Variants in CTNND2 observed in about 807,000 individuals in gnomAD.
CTNND2 encodes catenin delta-2.
A neutral mutation model predicts 144.4 loss-of-function variants in CTNND2; 22 were observed. That is an observed-to-expected ratio of 0.15 (90% CI 0.11 to 0.22). The LOEUF (loss-of-function observed/expected upper bound fraction) is 0.22, where lower values mean the gene tolerates loss of function less well. Ranked by LOEUF, CTNND2 falls within the 10% of genes least tolerant of loss-of-function variation. The pLI is 1.00. For missense variants in CTNND2, 1,353 were observed against 1,618.8 expected (o/e 0.84, Z 2.82); for synonymous variants, 751 against 695.6 (o/e 1.08, Z -1.25).
intron 10 of CTNND2, among the ~76,000 whole-genome samples, chr5:11,212,789 C>T (rs61751771): frequency 1.8e-4 from 28 of 152,254 alleles, no homozygotes; most frequent in Admixed American, 4.6e-4. Context: ...GGGCCTGGGC[C>T]TGGGCCTGCA....
At chr5:11,396,970 A>G (rs1760196426) in intron 6 of CTNND2, 61 bp downstream of exon 6, 7 of 1,499,830 alleles carry the variant, frequency 4.7e-6, no homozygotes, top group Non-Finnish European at 6.3e-6. Context: ...CATCCACTGC[A>G]TGCCCATTCC....
chr5:11,280,623 T>C (rs1284977527), intron 9 of CTNND2, among the ~76,000 whole-genome samples: 1 of 152,114 alleles, frequency 6.6e-6, no homozygotes, highest in Non-Finnish European at 1.5e-5. Flanking sequence ...TCCAATACAC[T>C]CATAGAGGGG....
In CTNND2 at chr5:11,099,271, C is replaced by T. The variant is rs573642294; in HGVS notation, c.2464-523G>A. Among the ~76,000 whole-genome samples, 9 of 152,010 alleles carry T rather than the reference C, an allele frequency of 5.9e-5. 1 individual carries two copies. The highest frequency in any genetic ancestry group is 1.2e-4 in the African/African-American group (5 of 41,466). On this transcript the variant is annotated intron_variant, in intron 14 of 21. Transcript: ENST00000304623. ...TGTTGCATCTAACAAATGACAGAATCGATAAAAGAGAGAAAACTGCTATAG... is the reference window on the plus strand; with the variant it reads ...TGTTGCATCTAACAAATGACAGAATTGATAAAAGAGAGAAAACTGCTATAG...
intron 1 of CTNND2, among the ~76,000 whole-genome samples, chr5:11,867,771 G>T (rs951228859): frequency 2.0e-5 from 3 of 151,932 alleles, no homozygotes; most frequent in Non-Finnish European, 4.4e-5. Flanking sequence ...AAGAACTTTG[G>T]CAGATCACTG....
At chr5:11,018,096 G>T in intron 17 of CTNND2, 38 bp from the exon 18 acceptor site, 1 of 1,341,524 alleles carries the variant, frequency 7.5e-7, no homozygotes, top group Non-Finnish European at 1.1e-6. Flanking sequence ...GATGTGAGTG[G>T]GACAGCTGTG....
intron 16 of CTNND2, among the ~76,000 whole-genome samples, chr5:11,029,911 C>G (rs1475781580): frequency 6.6e-6 from 1 of 152,120 alleles, no homozygotes; most frequent in Admixed American, 6.5e-5. Context: ...TTTCAACATG[C>G]AGGACTCCCT....
intron 1 of CTNND2, among the ~76,000 whole-genome samples, chr5:11,870,014 G>A (rs887398856): frequency 3.9e-5 from 6 of 152,034 alleles, no homozygotes; most frequent in African/African-American, 9.7e-5. Context: ...GAAACCACCC[G>A]GCAAATACTT....
chr5:11,463,059 T>A (rs61758944), intron 3 of CTNND2, among the ~76,000 whole-genome samples: 2 of 152,244 alleles, frequency 1.3e-5, no homozygotes, highest in Admixed American at 1.3e-4. Flanking sequence ...AAGTCCAACA[T>A]AATAGCTTTG....
intron 9 of CTNND2, among the ~76,000 whole-genome samples, chr5:11,324,639 A>C (rs1427226044): frequency 1.3e-5 from 2 of 152,208 alleles, no homozygotes; most frequent in African/African-American, 4.8e-5. Context: ...GGGGCACATC[A>C]GGTTATTGGC....
At chr5:11,285,486 G>A (rs1316296377) in intron 9 of CTNND2, among the ~76,000 whole-genome samples, 1 of 152,134 alleles carries the variant, frequency 6.6e-6, no homozygotes, top group Non-Finnish European at 1.5e-5. Flanking sequence ...AAGACTAGAG[G>A]ATAAACACAA....
At chr5:11,373,150 C>T (rs148103153) in intron 7 of CTNND2, among the ~76,000 whole-genome samples, 43 of 152,340 alleles carry the variant, frequency 2.8e-4, no homozygotes, top group African/African-American at 8.2e-4. Context: ...TACAGTTGTC[C>T]GGGCCCCACA....
intron 3 of CTNND2, among the ~76,000 whole-genome samples, chr5:11,479,449 G>C (rs904328895): frequency 1.3e-5 from 2 of 152,130 alleles, no homozygotes; most frequent in Admixed American, 6.6e-5. Flanking sequence ...GAATAGTGCT[G>C]CAATGAACAT....
chr5:11,427,847 A>T (rs1386208166), intron 3 of CTNND2, among the ~76,000 whole-genome samples: 6 of 152,070 alleles, frequency 3.9e-5, no homozygotes, highest in African/African-American at 1.4e-4. Context: ...ACAACCTTTT[A>T]TTAGCCTGTT....
chr5:11,588,636 G>T, intron 2 of CTNND2: 1 of 417,374 alleles, frequency 2.4e-6, no homozygotes, highest in Non-Finnish European at 3.2e-6. Flanking sequence ...ACTTTAACCT[G>T]CAGTTTTAAA....
At chr5:11,571,444 A>C (rs965900062) in intron 2 of CTNND2, among the ~76,000 whole-genome samples, 1 of 152,206 alleles carries the variant, frequency 6.6e-6, no homozygotes, top group East Asian at 1.9e-4. Context: ...AAGATTGAGG[A>C]GGGGTGGGTC....
At chr5:11,121,231 C>T (rs569540959) in intron 12 of CTNND2, among the ~76,000 whole-genome samples, 10 of 152,148 alleles carry the variant, frequency 6.6e-5, no homozygotes, top group Non-Finnish European at 1.0e-4. Flanking sequence ...GATAACCTTC[C>T]GCGATGCTCA....
chr5:11,790,926 G>T (rs564867044), intron 1 of CTNND2, among the ~76,000 whole-genome samples: 1 of 152,234 alleles, frequency 6.6e-6, no homozygotes, highest in African/African-American at 2.4e-5. Flanking sequence ...ATTCAGACAT[G>T]GGATTTTTGC....
At position 11,065,789 on chromosome 5, in the gene CTNND2, C is replaced by T. The variant is rs560438010; in HGVS notation, c.2788+16907G>A. On this transcript the variant is annotated intron_variant, in intron 16 of 21. Coordinates refer to ENST00000304623, the MANE Select transcript of CTNND2 (RefSeq NM_001332.4). The stretch of plus-strand genomic sequence containing the variant: ...CAAAGAAGAAAGTCAAAATATTTTA[C>T]CCCAAAACATGTTTCTTTGCCATAT... 9.2e-5 allele frequency among the ~76,000 whole-genome samples: 14 copies of T among 152,268 alleles called. No individual in the cohort carries two copies. In the East Asian group the frequency reaches 2.7e-3, roughly 29 times the overall value.
chr5:11,307,412 C>G (rs1180039397), intron 9 of CTNND2, among the ~76,000 whole-genome samples: 4 of 151,786 alleles, frequency 2.6e-5, no homozygotes, highest in Non-Finnish European at 4.4e-5. Flanking sequence ...TAGGAGGAAG[C>G]CTTCTATTCT....
Sources: gnomAD v4.1 joint callset for allele counts (sites outside exome capture counted in the v4.1 genomes callset) on GRCh38, gnomAD v4.1.1 for gene constraint, MANE v1.5 for transcripts, NCBI Gene and HGNC (gene_info 2026-07-23, HGNC 2026-07-21) for gene names.